The following CNTNAP5 variants were observed in gnomAD, a reference collection of about 807,000 sequenced individuals.
CNTNAP5 encodes the protein contactin-associated protein-like 5.
A neutral mutation model predicts 150.2 loss-of-function variants in CNTNAP5; 72 were observed. The ratio of observed to expected loss-of-function variants is 0.48; its 90% CI spans 0.40 to 0.58. The LOEUF (loss-of-function observed/expected upper bound fraction) is 0.58. Ranked by LOEUF, CNTNAP5 falls within the 20% of genes least tolerant of loss-of-function variation. CNTNAP5 has a pLI of 0.00. For missense variants in CNTNAP5, 1,636 were observed against 1,626.2 expected, an observed-to-expected ratio of 1.01 and a Z score of -0.10; for synonymous variants, 672 against 619.8, an observed-to-expected ratio of 1.08 and a Z score of -1.25.
At chr2:124,257,463 G>A (rs765705103) in intron 3 of CNTNAP5, among the ~76,000 whole-genome samples, 2 of 152,114 alleles carry the variant, frequency 1.3e-5, no homozygotes, top group Non-Finnish European at 2.9e-5. Flanking sequence ...TTAAGCCTTT[G>A]CTCATACTAC....
intron 11 of CNTNAP5, among the ~76,000 whole-genome samples, chr2:124,578,635 G>A (rs10175913): frequency 0.015 from 2,292 of 152,162 alleles, 56 homozygotes; most frequent in African/African-American, 0.052. Flanking sequence ...AGCCAAGCAC[G>A]GTGGTGCACG....
chr2:124,140,115 C>T (rs927405457), intron 1 of CNTNAP5, among the ~76,000 whole-genome samples: 4 of 151,708 alleles, frequency 2.6e-5, no homozygotes, highest in Non-Finnish European at 5.9e-5. Flanking sequence ...AGACTATATC[C>T]CACACCTGGC....
chr2:124,882,703 A>T (rs1285782127), intron 21 of CNTNAP5, among the ~76,000 whole-genome samples: 1 of 152,066 alleles, frequency 6.6e-6, no homozygotes, highest in East Asian at 1.9e-4. Context: ...CCATATGTGT[A>T]CGTCTGTTTT....
intron 19 of CNTNAP5, among the ~76,000 whole-genome samples, chr2:124,833,650 G>A (rs1275727346): frequency 1.3e-5 from 2 of 152,168 alleles, no homozygotes; most frequent in African/African-American, 4.8e-5. Context: ...TAGAGGTGGT[G>A]AGGGTTCAGT....
At chr2:124,257,077 C>T (rs1687332428) in intron 3 of CNTNAP5, among the ~76,000 whole-genome samples, 1 of 152,126 alleles carries the variant, frequency 6.6e-6, no homozygotes, top group Admixed American at 6.5e-5. Flanking sequence ...TACCAAGAGC[C>T]TCTAGAAGCT....
intron 1 of CNTNAP5, among the ~76,000 whole-genome samples, chr2:124,126,840 C>A (rs1310230840): frequency 1.3e-5 from 2 of 152,090 alleles, no homozygotes; most frequent in Admixed American, 1.3e-4. Flanking sequence ...GCAGAAAAGG[C>A]CTTTGACAAA....
intron 11 of CNTNAP5, among the ~76,000 whole-genome samples, chr2:124,592,939 T>A (rs1247492185): frequency 6.6e-6 from 1 of 151,724 alleles, no homozygotes. Context: ...CATTCAAAAA[T>A]GTTTGTTTAT....
chr2:124,246,877 T>C (rs773843332), intron 3 of CNTNAP5, among the ~76,000 whole-genome samples: 16 of 152,154 alleles, frequency 1.1e-4, no homozygotes, highest in Non-Finnish European at 2.1e-4. Flanking sequence ...AGTTTTCTCT[T>C]ATTAAAATTA....
chr2:124,219,595 T>C (rs887414956), intron 1 of CNTNAP5, among the ~76,000 whole-genome samples: 18 of 152,090 alleles, frequency 1.2e-4, no homozygotes, highest in African/African-American at 4.1e-4. Context: ...CCTATATATG[T>C]GTTTGTGTGT....
intron 1 of CNTNAP5, among the ~76,000 whole-genome samples, chr2:124,073,683 A>AAG (rs55917051): frequency 0.1 from 15,423 of 152,154 alleles, 922 homozygotes; most frequent in East Asian, 0.33. Flanking sequence ...AATGTCAGGC[A>AAG]ATAACCAATG....
At chr2:124,724,391 A>C (rs1680111945) in intron 13 of CNTNAP5, among the ~76,000 whole-genome samples, 1 of 151,900 alleles carries the variant, frequency 6.6e-6, no homozygotes, top group African/African-American at 2.4e-5. Context: ...CCCTCCAGGA[A>C]CCTCCACGTA....
At chr2:124,475,049 T>C (rs1215133911) in intron 7 of CNTNAP5, among the ~76,000 whole-genome samples, 167 bp downstream of exon 7, 1 of 152,050 alleles carries the variant, frequency 6.6e-6, no homozygotes, top group Admixed American at 6.6e-5. Flanking sequence ...AGATATTGAA[T>C]CTGTGTTAAT....
At chr2:124,802,673 T>C (rs1212424594) in intron 19 of CNTNAP5, among the ~76,000 whole-genome samples, 2 of 152,178 alleles carry the variant, frequency 1.3e-5, no homozygotes, top group Non-Finnish European at 2.9e-5. Context: ...TTTCACAGAA[T>C]TTTATTTAGT....
At chr2:124,139,007 G>A (rs1400720864) in intron 1 of CNTNAP5, among the ~76,000 whole-genome samples, 1 of 151,778 alleles carries the variant, frequency 6.6e-6, no homozygotes, top group Non-Finnish European at 1.5e-5. Flanking sequence ...TATATATTGA[G>A]TCCTGAGTCT....
chr2:124,626,794 C>A (rs1208913838), intron 12 of CNTNAP5, among the ~76,000 whole-genome samples: 3 of 152,154 alleles, frequency 2.0e-5, no homozygotes, highest in East Asian at 1.9e-4. Flanking sequence ...GCCCAGCAAG[C>A]TAAGAACCAC....
chr2:124,784,176 G>C (rs1331877792), intron 17 of CNTNAP5, among the ~76,000 whole-genome samples: 2 of 152,290 alleles, frequency 1.3e-5, no homozygotes, highest in Admixed American at 6.5e-5. Flanking sequence ...TGGGAGGGAA[G>C]AAGGGAGGAT....
At chr2:124,791,547 G>A (rs1681728758) in intron 18 of CNTNAP5, among the ~76,000 whole-genome samples, 1 of 152,078 alleles carries the variant, frequency 6.6e-6, no homozygotes, top group South Asian at 2.1e-4. Flanking sequence ...ATGAGACCCT[G>A]GCACTGAAAT....
chr2:124,469,898 C>T (rs1323953108), intron 6 of CNTNAP5, among the ~76,000 whole-genome samples: 2 of 152,168 alleles, frequency 1.3e-5, no homozygotes, highest in African/African-American at 4.8e-5. Context: ...CTGCAAAGGA[C>T]ATGATCTCAT....
chr2:124,405,851 A>C (rs1383571335), intron 3 of CNTNAP5, among the ~76,000 whole-genome samples: 2 of 152,118 alleles, frequency 1.3e-5, no homozygotes, highest in African/African-American at 4.8e-5. Context: ...GTTACTTTTT[A>C]TTGTTGAGTA....
Sources: allele counts gnomAD v4.1 joint callset (sites outside exome capture counted in the v4.1 genomes callset), GRCh38; gene constraint gnomAD v4.1.1; transcripts MANE v1.5; gene names NCBI Gene and HGNC (gene_info 2026-07-23, HGNC 2026-07-21).